NTNG1: variants seen among roughly 807,000 people sequenced by gnomAD.
NTNG1 encodes the protein netrin-G1.
In NTNG1, 16 loss-of-function variants were observed where a neutral mutation model predicts 54.0. The observed-to-expected ratio is 0.30, with a 90% confidence interval of 0.20 to 0.45. The LOEUF is 0.45. NTNG1 is among the 20% of genes least tolerant of loss of function. The pLI is 1.00. For missense variants in NTNG1, 530 were observed against 678.7 expected (o/e 0.78, Z 2.43); for synonymous variants, 255 against 263.1 (o/e 0.97, Z 0.30).
chr1:107,336,054 C>A (rs527383303), intron 3 of NTNG1, among the ~76,000 whole-genome samples: 1 of 151,604 alleles, frequency 6.6e-6, no homozygotes, highest in African/African-American at 2.4e-5. Context: ...ATCCCATTGA[C>A]GATATTTTCC....
intron 7 of NTNG1, among the ~76,000 whole-genome samples, chr1:107,470,383 T>C (rs1241319056): frequency 6.6e-6 from 1 of 152,202 alleles, no homozygotes; most frequent in East Asian, 1.9e-4. Context: ...GTGAAAAGTA[T>C]AAAGATGAAA....
chr1:107,456,333 C>G (rs1176484404), intron 7 of NTNG1, among the ~76,000 whole-genome samples: 6 of 152,138 alleles, frequency 3.9e-5, no homozygotes, highest in Non-Finnish European at 8.8e-5. Flanking sequence ...AATGAAGGCC[C>G]TTAGATGCTA....
At chr1:107,330,694 G>GA (rs1359711515) in intron 3 of NTNG1, 4 of 152,094 alleles carry the variant, frequency 2.6e-5, no homozygotes, top group African/African-American at 9.7e-5. Context: ...TTAGGGATTT[G>GA]AAAATACTTG....
At chr1:107,286,879 A>T (rs1665233078) in intron 2 of NTNG1, among the ~76,000 whole-genome samples, 2 of 152,168 alleles carry the variant, frequency 1.3e-5, no homozygotes, top group African/African-American at 2.4e-5. Flanking sequence ...TCATCATCCA[A>T]ATTTCAAAAG....
At chr1:107,199,757 T>G (rs751763851) in intron 2 of NTNG1, among the ~76,000 whole-genome samples, 6 of 151,898 alleles carry the variant, frequency 4.0e-5, no homozygotes, top group Non-Finnish European at 8.8e-5. Context: ...CATAATTAAT[T>G]CAGAGACCCA....
At chr1:107,465,854 T>C (rs1677571860) in intron 7 of NTNG1, among the ~76,000 whole-genome samples, 1 of 152,238 alleles carries the variant, frequency 6.6e-6, no homozygotes, top group African/African-American at 2.4e-5. Context: ...ATAATACCTA[T>C]GTACCAGATT....
chr1:107,407,680 A>T lies in NTNG1; in HGVS notation c.1061-2A>T. The stretch of plus-strand genomic sequence containing the variant: ...TTTCTTTATTGTTTTCTTTTTCTCC[A>T]GGTATCCCCAGTATTTCCAGTATTG... On this transcript the variant is annotated splice_acceptor_variant, in intron 4 of 7. Transcript: ENST00000370068. LOFTEE classifies it high-confidence loss of function. 6.3e-7 allele frequency: 1 copy of T among 1,599,974 alleles called. No individual in the cohort carries two copies. The highest frequency in any genetic ancestry group is 8.5e-7 in the Non-Finnish European group (1 of 1,173,172).
At chr1:107,254,765 G>A (rs531044538) in intron 2 of NTNG1, among the ~76,000 whole-genome samples, 1 of 152,256 alleles carries the variant, frequency 6.6e-6, no homozygotes, top group South Asian at 2.1e-4. Context: ...GAAAGACTGA[G>A]CTAATCTCTC....
intron 5 of NTNG1, among the ~76,000 whole-genome samples, chr1:107,424,684 A>G (rs1674784171): frequency 6.6e-6 from 1 of 152,122 alleles, no homozygotes; most frequent in African/African-American, 2.4e-5. Context: ...GTGAGTAGCA[A>G]GTTTAGGAAG....
intron 4 of NTNG1, among the ~76,000 whole-genome samples, chr1:107,401,186 A>T (rs747606429): frequency 2.6e-5 from 4 of 152,088 alleles, no homozygotes; most frequent in Non-Finnish European, 5.9e-5. Flanking sequence ...AACCATCTAG[A>T]TAGCATATCG....
chr1:107,302,251 T>G (rs2101806529), intron 2 of NTNG1, among the ~76,000 whole-genome samples: 1 of 152,264 alleles, frequency 6.6e-6, no homozygotes, highest in East Asian at 1.9e-4. Flanking sequence ...GAATCCTGGC[T>G]TTGGGTCAAA....
intron 7 of NTNG1, among the ~76,000 whole-genome samples, chr1:107,452,873 A>G (rs980526395): frequency 1.3e-5 from 2 of 152,180 alleles, no homozygotes; most frequent in African/African-American, 2.4e-5. Context: ...CGCAAAATGG[A>G]CTAAAACAAA....
intron 2 of NTNG1, among the ~76,000 whole-genome samples, chr1:107,155,771 T>A (rs1654947863): frequency 6.6e-6 from 1 of 152,218 alleles, no homozygotes; most frequent in African/African-American, 2.4e-5. Context: ...ATTAATTGAT[T>A]TGAATATTTT....
At chr1:107,347,794 T>A (rs898703478) in intron 3 of NTNG1, among the ~76,000 whole-genome samples, 2 of 152,136 alleles carry the variant, frequency 1.3e-5, no homozygotes, top group Non-Finnish European at 2.9e-5. Context: ...GCAGGCACCT[T>A]CTTCACAGGG....
chr1:107,211,598 A>G (rs933932602), intron 2 of NTNG1, among the ~76,000 whole-genome samples: 1 of 152,152 alleles, frequency 6.6e-6, no homozygotes, highest in African/African-American at 2.4e-5. Context: ...GAGCTCATCC[A>G]GGGAATAAGC....
intron 2 of NTNG1, among the ~76,000 whole-genome samples, chr1:107,267,612 C>T (rs1167767205): frequency 6.6e-6 from 1 of 152,202 alleles, no homozygotes; most frequent in Non-Finnish European, 1.5e-5. Flanking sequence ...GTACCTCTCT[C>T]CAGCCAGGAT....
intron 3 of NTNG1, among the ~76,000 whole-genome samples, chr1:107,347,467 A>T (rs1669317540): frequency 6.6e-6 from 1 of 152,190 alleles, no homozygotes; most frequent in African/African-American, 2.4e-5. Context: ...GTGAGCCGAG[A>T]TTGCTCCACT....
chr1:107,162,310 T>A (rs902484381), intron 2 of NTNG1, among the ~76,000 whole-genome samples: 107 of 152,248 alleles, frequency 7.0e-4, no homozygotes, highest in African/African-American at 2.5e-3. Flanking sequence ...TTTTAAGTAT[T>A]CTCCTTAATA....
chr1:107,260,476 C>G (rs1157950414), intron 2 of NTNG1, among the ~76,000 whole-genome samples: 10 of 152,098 alleles, frequency 6.6e-5, no homozygotes, highest in Non-Finnish European at 1.3e-4. Context: ...ATCACAACAG[C>G]CTTCATAGAA....
Sources: allele counts gnomAD v4.1 joint callset (sites outside exome capture counted in the v4.1 genomes callset), GRCh38; gene constraint gnomAD v4.1.1; transcripts MANE v1.5; gene names NCBI Gene and HGNC (gene_info 2026-07-23, HGNC 2026-07-21).